PPIL4: variants seen among roughly 807,000 people sequenced by gnomAD.
PPIL4 encodes the protein peptidylprolyl isomerase like 4.
PPIL4 carries 50 observed loss-of-function variants against 69.1 expected under a neutral mutation model. The observed-to-expected ratio is 0.72, with a 90% CI of 0.58 to 0.92. PPIL4 has a LOEUF of 0.92. PPIL4 is among the 40% of genes least tolerant of loss of function. The pLI is 0.00. For synonymous variants in PPIL4, 193 were observed against 191.6 expected, an observed-to-expected ratio of 1.01 and a Z score of -0.06; for missense variants, 480 against 587.9, an observed-to-expected ratio of 0.82 and a Z score of 1.90.
At position 149,524,436 on chromosome 6, in the gene PPIL4, G is replaced by A. The variant is rs117771463; in HGVS notation, c.870+707C>T. Among the ~76,000 whole-genome samples the A allele has an allele frequency of 1.8e-3, 281 of 152,250 alleles. 1 individual carries two copies. Among genetic ancestry groups the A allele is most frequent in the Non-Finnish European group, 3.3e-3 (227 of 68,024 alleles). On this transcript the variant is annotated intron_variant, in intron 9 of 12. Coordinates refer to ENST00000253329, the MANE Select transcript of PPIL4 (RefSeq NM_139126.4). The stretch of plus-strand genomic sequence containing the variant: ...TAAGAAGGTAAGACCTAGAAAGAAC[G>A]GTTAACTAAACTGCCAAGTATCATA...
chr6:149,526,987 T>C (rs569659534), intron 7 of PPIL4, among the ~76,000 whole-genome samples: 4 of 152,348 alleles, frequency 2.6e-5, no homozygotes, highest in Non-Finnish European at 4.4e-5. Context: ...AAATAACTCA[T>C]ACTTTGTGTG....
chr6:149,546,034 C>A lies in PPIL4; in HGVS notation c.-29G>T. ...GCCCGCTCCTCCTCCGCTACAAACC[C>A]CGGGAGGAGGGGGGTGACAGGCGCA... is the stretch of plus-strand genomic sequence containing the variant. On this transcript the variant is annotated 5_prime_UTR_variant, in exon 1 of 13. Transcript: ENST00000253329. The A allele has an allele frequency of 6.4e-7, 1 of 1,555,630 alleles. No homozygotes were observed. The highest frequency in any genetic ancestry group is 1.2e-5 in the South Asian group (1 of 85,240).
intron 9 of PPIL4, among the ~76,000 whole-genome samples, chr6:149,524,147 G>C (rs1178146490): frequency 6.6e-6 from 1 of 152,152 alleles, no homozygotes; most frequent in Admixed American, 6.5e-5. Flanking sequence ...AACTCAATGG[G>C]AACAGAATCA....
chr6:149,525,289 A>G, intron 8 of PPIL4, 80 bp from the exon 9 acceptor site: 3 of 708,672 alleles, frequency 4.2e-6, no homozygotes, highest in Non-Finnish European at 7.3e-6. Context: ...AAACTGAAGA[A>G]GAAATAAGTC....
At chr6:149,540,427 C>T (rs902819744) in intron 4 of PPIL4, among the ~76,000 whole-genome samples, 1 of 152,094 alleles carries the variant, frequency 6.6e-6, no homozygotes, top group African/African-American at 2.4e-5. Context: ...CCATCGTGGC[C>T]AACATGGTGA....
chr6:149,524,898 C>T lies in PPIL4; in HGVS notation c.870+245G>A, dbSNP rs192921169. Among the ~76,000 whole-genome samples, 415 of 149,904 alleles carry T rather than the reference C, an allele frequency of 2.8e-3. 1 individual carries two copies. Among genetic ancestry groups the T allele is most frequent in the Non-Finnish European group, 4.5e-3 (307 of 67,590 alleles). ...CCTGGGCAACAGAGTGAGACCCTGT[C>T]TCAAAAAAAAAAAAAGTTCTAAAGA... On this transcript the variant is annotated intron_variant, in intron 9 of 12. Coordinates refer to ENST00000253329, the MANE Select transcript of PPIL4 (RefSeq NM_139126.4).
At chr6:149,531,644 G>T (rs533371148) in intron 7 of PPIL4, among the ~76,000 whole-genome samples, 1 of 152,138 alleles carries the variant, frequency 6.6e-6, no homozygotes, top group South Asian at 2.1e-4. Context: ...TAGAACAACT[G>T]GCAAAATTGG....
chr6:149,512,434 C>T (rs1041501509), intron 11 of PPIL4, 132 bp from the exon 12 acceptor site: 2 of 563,526 alleles, frequency 3.5e-6, no homozygotes, highest in East Asian at 2.8e-5. Flanking sequence ...GAATATAGTA[C>T]ATTTCTAAAA....
At chr6:149,533,394 T>C in intron 7 of PPIL4, 64 bp downstream of exon 7, 2 of 893,122 alleles carry the variant, frequency 2.2e-6, no homozygotes, top group South Asian at 1.5e-5. Context: ...GAGCCAGAAA[T>C]AAACACTCAG....
At chr6:149,529,723 A>T (rs546344742) in intron 7 of PPIL4, among the ~76,000 whole-genome samples, 124 of 149,382 alleles carry the variant, frequency 8.3e-4, no homozygotes, top group African/African-American at 2.9e-3. Context: ...AGATAATGCC[A>T]CTGTACTCTA....
chr6:149,511,097 A>T (rs563449949), intron 12 of PPIL4, among the ~76,000 whole-genome samples: 1 of 152,150 alleles, frequency 6.6e-6, no homozygotes, highest in South Asian at 2.1e-4. Flanking sequence ...CTATTTCTGC[A>T]TCTTTGGTTA....
In PPIL4 at chr6:149,541,396, C is replaced by A; in HGVS notation, c.174G>T (p.Gly58=). ...AGATAGACTCTCCTCCACGGCCAGT[C>A]CCTGTAGGATCGCCAGTTTGTATGA... ...DFIIQTGDPT[G]TGRGGESIFG... is the part of the protein sequence containing the mutation. The change falls in exon 3 of 13, where the codon GGG becomes GGT. Residue 58 remains glycine, a synonymous_variant. Transcript: ENST00000253329. 4.6e-6 allele frequency: 7 copies of A among 1,537,560 alleles called. No individual in the cohort carries two copies. The highest frequency in any genetic ancestry group is 5.3e-6 in the Non-Finnish European group (6 of 1,132,042).
At chr6:149,533,743 G>A (rs1343881090) in intron 6 of PPIL4, among the ~76,000 whole-genome samples, 169 bp from the exon 7 acceptor site, 1 of 152,178 alleles carries the variant, frequency 6.6e-6, no homozygotes, top group East Asian at 1.9e-4. Flanking sequence ...GACACAGTGA[G>A]ATCTTGTCTC....
chr6:149,506,150 AG>A (rs1185065420), intron 12 of PPIL4, among the ~76,000 whole-genome samples: 49 of 152,328 alleles, frequency 3.2e-4, no homozygotes, highest in African/African-American at 9.1e-4. Context: ...ATAACTTAGC[AG>A]GAAGAGATCT....
At chr6:149,514,161 C>T (rs1776903219) in intron 11 of PPIL4, among the ~76,000 whole-genome samples, 1 of 152,258 alleles carries the variant, frequency 6.6e-6, no homozygotes. Flanking sequence ...GGTTAGTCAG[C>T]TCGTACCATT....
intron 7 of PPIL4, among the ~76,000 whole-genome samples, chr6:149,533,211 A>T (rs968115623): frequency 6.6e-6 from 1 of 152,220 alleles, no homozygotes; most frequent in Non-Finnish European, 1.5e-5. Context: ...AACAACTGAA[A>T]TTCAATTAAT....
intron 7 of PPIL4, among the ~76,000 whole-genome samples, chr6:149,531,885 G>A (rs1777205185): frequency 6.6e-6 from 1 of 152,150 alleles, no homozygotes; most frequent in African/African-American, 2.4e-5. Flanking sequence ...GGCCAGGCTG[G>A]TCTCGAACTC....
rs767917594 is a variant in PPIL4 at position 149,535,674 on chromosome 6, A to C, written c.386T>G (p.Val129Gly). The C allele has an allele frequency of 6.2e-7, 1 of 1,611,270 alleles. No individual in the cohort carries two copies. The highest frequency in any genetic ancestry group is 8.5e-7 in the Non-Finnish European group (1 of 1,177,598). The stretch of plus-strand genomic sequence containing the variant: ...CTTAATTATGTCCATGCCTTCTGTC[A>C]CCTCACCAAACACCGTATGGACACC... Reference protein sequence around the residue: ...LDGVHTVFGEVTEGMDIIKKI... With the variant: ...LDGVHTVFGEGTEGMDIIKKI... Residue 129 changes from valine (V) to glycine (G), a missense_variant, in exon 5 of 13, where the codon GTG becomes GGG. Physicochemically the swap from Val to Gly is moderately radical, Grantham distance 109. Transcript: ENST00000253329.
chr6:149,513,146 G>A (rs1776881388), intron 11 of PPIL4, among the ~76,000 whole-genome samples: 2 of 147,532 alleles, frequency 1.4e-5, no homozygotes, highest in Admixed American at 1.3e-4. Context: ...AGCACTTTGG[G>A]AAGCCAAGGC....
Sources: gnomAD v4.1 joint callset for allele counts (sites outside exome capture counted in the v4.1 genomes callset) on GRCh38, gnomAD v4.1.1 for gene constraint, MANE v1.5 for transcripts, NCBI Gene and HGNC (gene_info 2026-07-23, HGNC 2026-07-21) for gene names.